TBC1D14: variants seen among roughly 807,000 people sequenced by gnomAD.
TBC1D14 encodes the protein TBC1 domain family, member 14.
Under a neutral mutation model 79.0 loss-of-function variants are expected in TBC1D14, and 26 were observed. That is an observed-to-expected ratio of 0.33 (90% CI 0.24 to 0.46). The LOEUF (loss-of-function observed/expected upper bound fraction) is 0.46, where lower values mean the gene tolerates loss of function less well. Ranked by LOEUF, TBC1D14 falls within the 20% of genes least tolerant of loss-of-function variation. The pLI is 1.00. For synonymous variants in TBC1D14, 394 were observed against 349.9 expected, an observed-to-expected ratio of 1.13 and a Z score of -1.40; for missense variants, 769 against 887.6, an observed-to-expected ratio of 0.87 and a Z score of 1.70.
intron 1 of TBC1D14, among the ~76,000 whole-genome samples, chr4:6,921,394 CAG>C (rs1038580373): frequency 1.3e-5 from 2 of 152,058 alleles, no homozygotes; most frequent in African/African-American, 2.4e-5. Context: ...TTTTTAAAGA[CAG>C]AGTCTCCCAT....
At chr4:6,992,732 G>A (rs1017985208) in intron 3 of TBC1D14, among the ~76,000 whole-genome samples, 2 of 152,232 alleles carry the variant, frequency 1.3e-5, no homozygotes, top group African/African-American at 4.8e-5. Context: ...TCAGGTGCTA[G>A]ACTTGAAGCT....
intron 2 of TBC1D14, among the ~76,000 whole-genome samples, chr4:6,965,761 A>G (rs1010766380): frequency 3.3e-5 from 5 of 152,190 alleles, no homozygotes; most frequent in Non-Finnish European, 5.9e-5. Flanking sequence ...GGTGAGTCTC[A>G]AACTCTTGGC....
chr4:7,011,963 A>G (rs1228231744), intron 11 of TBC1D14, among the ~76,000 whole-genome samples: 1 of 152,102 alleles, frequency 6.6e-6, no homozygotes, highest in African/African-American at 2.4e-5. Context: ...CTTAAGGTTT[A>G]CTGAGTATGT....
At chr4:7,010,888 G>A in intron 11 of TBC1D14, 107 bp downstream of exon 11, 1 of 1,358,144 alleles carries the variant, frequency 7.4e-7, no homozygotes, top group Non-Finnish European at 1.0e-6. Flanking sequence ...TTCTCTCTGT[G>A]AAGAGATGTT....
rs141346234 is a variant in TBC1D14 at position 6,950,950 on chromosome 4, A to G, written c.723-16354A>G. Among the ~76,000 whole-genome samples the G allele has an allele frequency of 4.1e-3, 623 of 152,284 alleles. 5 individuals carry two copies. The highest frequency in any genetic ancestry group is 0.013 in the African/African-American group (554 of 41,556). On this transcript the variant is annotated intron_variant, in intron 2 of 13. Transcript: ENST00000409757. The stretch of plus-strand genomic sequence containing the variant: ...CTTTCTGTTTTCTCAAAGAGTTTCT[A>G]TAAGATTTTTCTCTGGTGATTACAT...
At chr4:6,984,608 T>C (rs1717654517) in intron 3 of TBC1D14, among the ~76,000 whole-genome samples, 1 of 152,206 alleles carries the variant, frequency 6.6e-6, no homozygotes, top group South Asian at 2.1e-4. Flanking sequence ...GGAAAATCCT[T>C]TCCCTCCTGA....
intron 2 of TBC1D14, among the ~76,000 whole-genome samples, chr4:6,948,728 CAG>C (rs1182577069): frequency 3.0e-4 from 43 of 141,942 alleles, no homozygotes; most frequent in African/African-American, 1.2e-3. Context: ...TTTTTTGAGA[CAG>C]AGTCTGTCAC....
chr4:6,946,336 A>G (rs1337189452), intron 2 of TBC1D14, among the ~76,000 whole-genome samples: 1 of 151,972 alleles, frequency 6.6e-6, no homozygotes, highest in Non-Finnish European at 1.5e-5. Context: ...TTTTACTTGT[A>G]TTATTATTAT....
At chr4:6,932,376 T>TA (rs34196506) in intron 2 of TBC1D14, among the ~76,000 whole-genome samples, 52,133 of 143,626 alleles carry the variant, frequency 0.36, 9,700 homozygotes, top group Middle Eastern at 0.44. Flanking sequence ...GTCTGGAAAT[T>TA]AAAAAAAAAA....
chr4:6,967,060 C>T (rs1391863184), intron 2 of TBC1D14, among the ~76,000 whole-genome samples: 3 of 152,154 alleles, frequency 2.0e-5, no homozygotes, highest in African/African-American at 2.4e-5. Context: ...CTGCCCACCT[C>T]GGCCTCCCAA....
chr4:6,984,740 T>C (rs189879876), intron 3 of TBC1D14, among the ~76,000 whole-genome samples: 1 of 152,226 alleles, frequency 6.6e-6, no homozygotes, highest in African/African-American at 2.4e-5. Context: ...CATGATGTAA[T>C]TGCAGACTGA....
chr4:6,971,325 G>A lies in TBC1D14; in HGVS notation c.843+3901G>A, dbSNP rs561503284. ...GGTTGAACACAGTGAGTCGCCCGGC[G>A]TTACTAGTCAAGGAATGGATGTCTT... On this transcript the variant is annotated intron_variant, in intron 3 of 13. Transcript: ENST00000409757. Among the ~76,000 whole-genome samples, 9 of 152,332 alleles carry A rather than the reference G, an allele frequency of 5.9e-5. No individual in the cohort carries two copies. The East Asian group carries it at 1.5e-3, about 26-fold the overall frequency.
rs60999179 is a variant in TBC1D14, at chr4:6,958,376, T to TACACACACACACACACACACAC, written c.723-8922_723-8901dup. On this transcript the variant is annotated intron_variant, in intron 2 of 13. Coordinates refer to ENST00000409757, the MANE Select transcript of TBC1D14 (RefSeq NM_020773.3). ...GGGTGATACACGTGATCCCCACATA[T>TACACACACACACACACACACAC]ACACACACACACACACACACACACA... is the stretch of plus-strand genomic sequence containing the variant. Among the ~76,000 whole-genome samples the TACACACACACACACACACACAC allele has an allele frequency of 3.5e-3, 521 of 149,198 alleles. 1 individual carries two copies. The highest frequency in any genetic ancestry group is 0.012 in the African/African-American group (496 of 40,070).
At chr4:6,947,661 C>A (rs866113578) in intron 2 of TBC1D14, among the ~76,000 whole-genome samples, 612 of 116,898 alleles carry the variant, frequency 5.2e-3, no homozygotes, top group Middle Eastern at 0.013. Context: ...GATTCCGTCT[C>A]AAAAAAAAAA....
chr4:6,981,230 G>A (rs1717351406), intron 3 of TBC1D14, among the ~76,000 whole-genome samples: 1 of 151,774 alleles, frequency 6.6e-6, no homozygotes, highest in Admixed American at 6.6e-5. Context: ...TTGCCATGTT[G>A]GCCAGGGTGG....
chr4:6,972,795 T>C (rs1716335711), intron 3 of TBC1D14, among the ~76,000 whole-genome samples: 1 of 152,174 alleles, frequency 6.6e-6, no homozygotes, highest in African/African-American at 2.4e-5. Context: ...GCTTCAGCGG[T>C]CAGGCTGCCG....
intron 3 of TBC1D14, among the ~76,000 whole-genome samples, chr4:6,983,606 C>A (rs1236188264): frequency 6.6e-6 from 1 of 152,200 alleles, no homozygotes. Context: ...CATAAAATGT[C>A]TAATCCCCAT....
At chr4:6,949,404 C>T (rs1189245388) in intron 2 of TBC1D14, among the ~76,000 whole-genome samples, 3 of 151,782 alleles carry the variant, frequency 2.0e-5, no homozygotes, top group South Asian at 4.2e-4. Flanking sequence ...AATTCGTGGC[C>T]GGGCACAGTG....
rs376804221 is a variant in TBC1D14 at position 6,937,997 on chromosome 4, T to A, written c.722+13886T>A. ...GCATCTGGTGAGCCTGGTCCAGGAGTGTTGGAGAAAGGAAGTGGAGGTCTT... is the reference window on the plus strand; with the variant it reads ...GCATCTGGTGAGCCTGGTCCAGGAGAGTTGGAGAAAGGAAGTGGAGGTCTT... On this transcript the variant is annotated intron_variant, in intron 2 of 13. Transcript: ENST00000409757. 6.6e-5 allele frequency among the ~76,000 whole-genome samples: 10 copies of A among 150,984 alleles called. No homozygotes were observed. The East Asian group carries it at 9.8e-4, about 15-fold the overall frequency.
Sources: gnomAD v4.1 joint callset for allele counts (sites outside exome capture counted in the v4.1 genomes callset) on GRCh38, gnomAD v4.1.1 for gene constraint, MANE v1.5 for transcripts, NCBI Gene and HGNC (gene_info 2026-07-23, HGNC 2026-07-21) for gene names.